Variants in KYNU observed in about 807,000 individuals in gnomAD.
KYNU encodes the protein L-kynurenine hydrolase.
In KYNU, 54 loss-of-function variants were observed where a neutral mutation model predicts 59.2. The observed-to-expected ratio is 0.91, with a 90% confidence interval of 0.73 to 1.14. The LOEUF (loss-of-function observed/expected upper bound fraction) is 1.14, where lower values mean the gene tolerates loss of function less well. Ranked by LOEUF, KYNU falls within the 50% of genes most tolerant of loss-of-function variation. The probability of loss-of-function intolerance (pLI) is 0.00; values close to 1 mark genes in which losing one functional copy is unlikely to be tolerated. For synonymous variants in KYNU, 177 were observed against 192.0 expected, an observed-to-expected ratio of 0.92 and a Z score of 0.65; for missense variants, 567 against 554.4, an observed-to-expected ratio of 1.02 and a Z score of -0.23.
At position 142,907,050 on chromosome 2, in the gene KYNU, G is replaced by A. The variant is rs567566666; in HGVS notation, c.170-11559G>A. Among the ~76,000 whole-genome samples the A allele has an allele frequency of 1.1e-4, 17 of 152,306 alleles. 1 individual carries two copies. Among genetic ancestry groups the A allele is most frequent in the African/African-American group, 4.1e-4 (17 of 41,568 alleles). ...GGTATTTTCCTCCAATTCTAAGGTA[G>A]AGGACAGAATAGCAAGCAAAAGTGG... is the stretch of plus-strand genomic sequence containing the variant. On this transcript the variant is annotated intron_variant, in intron 2 of 13. Coordinates refer to ENST00000264170, the MANE Select transcript of KYNU (RefSeq NM_003937.3).
chr2:143,031,257 G>A (rs1013949617), intron 11 of KYNU, among the ~76,000 whole-genome samples: 1 of 152,064 alleles, frequency 6.6e-6, no homozygotes, highest in African/African-American at 2.4e-5. Flanking sequence ...TAAAGGAATT[G>A]AATTTGATCA....
At chr2:142,906,780 TGAGTA>T (rs538987890) in intron 2 of KYNU, among the ~76,000 whole-genome samples, 30 of 152,246 alleles carry the variant, frequency 2.0e-4, no homozygotes, top group African/African-American at 7.2e-4. Context: ...GGGCGACTGT[TGAGTA>T]GAGACTTCTA....
At position 143,050,801 on chromosome 2, in the gene KYNU, G is replaced by A. The variant is rs1440921566; in HGVS notation, c.*8629G>A. On this transcript the variant is annotated 3_prime_UTR_variant, in exon 14 of 14. Transcript: ENST00000264170. The stretch of plus-strand genomic sequence containing the variant: ...TATGGGTTCACATTTAAATTATATA[G>A]TGTATTTTCTCCATAAACTGAAGTT... 7 of 152,078 alleles carry A rather than the reference G, an allele frequency of 4.6e-5. No individual in the cohort carries two copies. Among genetic ancestry groups the A allele is most frequent in the Non-Finnish European group, 7.4e-5 (5 of 68,020 alleles). 9.4% of individuals were successfully genotyped at this position (152,078 alleles called of 1,614,324 possible).
chr2:142,891,604 C>T (rs1244347010), intron 2 of KYNU, among the ~76,000 whole-genome samples: 4 of 152,166 alleles, frequency 2.6e-5, no homozygotes, highest in Admixed American at 2.6e-4. Context: ...GCAAAATAAT[C>T]ATGCTTCAGT....
At chr2:142,917,767 A>G (rs1682713751) in intron 2 of KYNU, among the ~76,000 whole-genome samples, 1 of 152,242 alleles carries the variant, frequency 6.6e-6, no homozygotes, top group Admixed American at 6.5e-5. Flanking sequence ...AACAATATCT[A>G]TAAAAGGGAT....
chr2:142,995,106 C>T (rs977944561), intron 10 of KYNU, among the ~76,000 whole-genome samples: 3 of 151,864 alleles, frequency 2.0e-5, no homozygotes, highest in African/African-American at 7.3e-5. Context: ...ATTATTTTAC[C>T]AATATTTCAA....
intron 8 of KYNU, among the ~76,000 whole-genome samples, chr2:142,963,933 A>G (rs72990711): frequency 0.07 from 10,681 of 152,192 alleles, 978 homozygotes; most frequent in African/African-American, 0.22. Context: ...AAGTGCTCCA[A>G]TGAAATTTTT....
In KYNU at chr2:142,891,423, A is replaced by G. The variant is rs527759418; in HGVS notation, c.169+5887A>G. On this transcript the variant is annotated intron_variant, in intron 2 of 13. Coordinates refer to ENST00000264170, the MANE Select transcript of KYNU (RefSeq NM_003937.3). ...GTGCTGCTTTCAATATTCTTTTCAT[A>G]GTCAAATAACCCTCTCCTTCAATCT... 7.7e-4 allele frequency among the ~76,000 whole-genome samples: 118 copies of G among 152,326 alleles called. 1 individual carries two copies. Among genetic ancestry groups the G allele is most frequent in the African/African-American group, 2.6e-3 (109 of 41,578 alleles).
chr2:142,938,012 G>C (rs1176023229), intron 4 of KYNU, among the ~76,000 whole-genome samples: 2 of 152,164 alleles, frequency 1.3e-5, no homozygotes, highest in Non-Finnish European at 2.9e-5. Flanking sequence ...CATAATAGTG[G>C]ATTTTGTAAG....
rs1379638524 is a variant in KYNU, at chr2:143,040,838, C to T, written c.1272+180C>T. On this transcript the variant is annotated intron_variant, in intron 13 of 13. Coordinates refer to ENST00000264170, the MANE Select transcript of KYNU (RefSeq NM_003937.3). ...CTAACTGAAAGGCATAGAGATCTGT[C>T]GTTTCTGATAAAAGAGAAGATACCA... 6.6e-5 allele frequency among the ~76,000 whole-genome samples: 10 copies of T among 152,100 alleles called. No homozygotes were observed. The East Asian group carries it at 1.5e-3, about 23-fold the overall frequency.
chr2:142,884,965 G>A (rs1485642136), intron 1 of KYNU, among the ~76,000 whole-genome samples: 15 of 146,584 alleles, frequency 1.0e-4, no homozygotes, highest in East Asian at 2.1e-4. Flanking sequence ...TAGGCCAAGC[G>A]TGGTGGCTCA....
chr2:142,953,965 A>T (rs747065839), intron 4 of KYNU: 9 of 152,184 alleles, frequency 5.9e-5, no homozygotes, highest in Non-Finnish European at 1.3e-4. Context: ...CCTCTGGATA[A>T]GGTACACATC....
Position 142,985,930 on chromosome 2 carries a change from A to C in KYNU, c.829-18A>C, listed in dbSNP as rs1361144117. On this transcript the variant is annotated intron_variant, in intron 9 of 13. Coordinates refer to ENST00000264170, the MANE Select transcript of KYNU (RefSeq NM_003937.3). ...ATATTTAAGTAAACCCACATAATTT[A>C]ATTTATTTTCAATCTAGTATTTAAA... 4 of 1,556,286 alleles carry C rather than the reference A, an allele frequency of 2.6e-6. No homozygotes were observed. Among genetic ancestry groups the C allele is most frequent in the South Asian group, 1.1e-5 (1 of 89,476 alleles).
rs1454468924 is a variant in KYNU at position 143,055,674 on chromosome 2, G to C, written c.*13502G>C. 1 of 151,226 alleles carries C rather than the reference G, an allele frequency of 6.6e-6. No homozygotes were observed. The highest frequency in any genetic ancestry group is 2.5e-5 in the African/African-American group (1 of 40,706). The allele number at this position is 151,226 out of a possible 1,614,324, so 9.4% of individuals were successfully genotyped here. A position where few individuals can be genotyped will look rare whatever the true frequency, so the allele number is the denominator to read the frequency against. The stretch of plus-strand genomic sequence containing the variant: ...AGGAAGGAAGGAAGGAAGGAAGGAA[G>C]GAAGGAAGGAAAGGGAGGAGAGGAG... On this transcript the variant is annotated 3_prime_UTR_variant, in exon 14 of 14. Coordinates refer to ENST00000264170, the MANE Select transcript of KYNU (RefSeq NM_003937.3).
intron 3 of KYNU, among the ~76,000 whole-genome samples, chr2:142,927,192 G>A (rs1447954813): frequency 6.6e-6 from 1 of 152,034 alleles, no homozygotes; most frequent in Non-Finnish European, 1.5e-5. Flanking sequence ...CTATAAAATG[G>A]TATCATGAGT....
At chr2:142,946,219 G>A (rs1683775010) in intron 4 of KYNU, among the ~76,000 whole-genome samples, 1 of 151,772 alleles carries the variant, frequency 6.6e-6, no homozygotes, top group Non-Finnish European at 1.5e-5. Context: ...GAGTACCTGG[G>A]ACCACAGGTA....
intron 2 of KYNU, among the ~76,000 whole-genome samples, chr2:142,910,589 T>G (rs1293229491): frequency 6.6e-6 from 1 of 152,160 alleles, no homozygotes; most frequent in East Asian, 1.9e-4. Context: ...TAGGTCCCAC[T>G]TGTCAGTTTG....
rs1687332555 is a variant in KYNU at position 143,055,139 on chromosome 2, G to A, written c.*12967G>A. ...TAAAAAGGTGTAGTATTCTTCTATG[G>A]CTGCTATAACAAATGACCAAAAAAC... On this transcript the variant is annotated 3_prime_UTR_variant, in exon 14 of 14. Transcript: ENST00000264170. 6.6e-6 allele frequency: 1 copy of A among 152,002 alleles called. No homozygotes were observed. The highest frequency in any genetic ancestry group is 2.4e-5 in the African/African-American group (1 of 41,360). The allele number at this position is 152,002 out of a possible 1,614,324, so 9.4% of individuals were successfully genotyped here. A position where few individuals can be genotyped will look rare whatever the true frequency, so the allele number is the denominator to read the frequency against.
chr2:142,980,935 A>G (rs1184806500), intron 8 of KYNU, among the ~76,000 whole-genome samples: 4 of 152,154 alleles, frequency 2.6e-5, no homozygotes, highest in African/African-American at 7.2e-5. Context: ...GGCTGTAGAA[A>G]GGTTTTGGAG....
Sources: gnomAD v4.1 joint callset for allele counts (sites outside exome capture counted in the v4.1 genomes callset) on GRCh38, gnomAD v4.1.1 for gene constraint, MANE v1.5 for transcripts, NCBI Gene and HGNC (gene_info 2026-07-23, HGNC 2026-07-21) for gene names.